ZNF827: variants seen among roughly 807,000 people sequenced by gnomAD.
ZNF827 encodes the protein zinc finger protein 827.
ZNF827 carries 13 observed loss-of-function variants against 102.4 expected under a neutral mutation model. That is an observed-to-expected ratio of 0.13 (90% CI 0.08 to 0.20). The LOEUF (loss-of-function observed/expected upper bound fraction) is 0.20, where lower values mean the gene tolerates loss of function less well. ZNF827 is among the 10% of genes least tolerant of loss of function. The probability of loss-of-function intolerance (pLI) is 1.00; values close to 1 mark genes in which losing one functional copy is unlikely to be tolerated. For synonymous variants in ZNF827, 523 were observed against 536.2 expected, an observed-to-expected ratio of 0.98 and a Z score of 0.34; for missense variants, 1,103 against 1,344.4, an observed-to-expected ratio of 0.82 and a Z score of 2.81.
In ZNF827 at chr4:145,805,377, A is replaced by T. The variant is rs576016209; in HGVS notation, c.2383+18045T>A. The stretch of plus-strand genomic sequence containing the variant: ...GTCATTTTTAACTGATTAGGAAAAA[A>T]AAATCCCCAAATTTCAACCAAATGT... On this transcript the variant is annotated intron_variant, in intron 8 of 14. Transcript: ENST00000508784. 2.6e-5 allele frequency among the ~76,000 whole-genome samples: 4 copies of T among 152,298 alleles called. No individual in the cohort carries two copies. In the South Asian group the frequency reaches 8.3e-4, roughly 32 times the overall value.
intron 4 of ZNF827, among the ~76,000 whole-genome samples, chr4:145,885,232 T>C (rs906103279): frequency 6.6e-6 from 1 of 152,154 alleles, no homozygotes; most frequent in Non-Finnish European, 1.5e-5. Flanking sequence ...TTTGTATATA[T>C]GTCCTTTAAA....
chr4:145,781,995 C>A (rs1738129493), intron 8 of ZNF827, among the ~76,000 whole-genome samples: 1 of 152,198 alleles, frequency 6.6e-6, no homozygotes, highest in Non-Finnish European at 1.5e-5. Flanking sequence ...GTCCACTGGT[C>A]TTAGAAAATG....
Position 145,765,625 on chromosome 4 carries a change from C to T in ZNF827, c.2974G>A (p.Gly992Ser). 1 of 1,614,134 alleles carries T rather than the reference C, an allele frequency of 6.2e-7. No homozygotes were observed. Among genetic ancestry groups the T allele is most frequent in the Non-Finnish European group, 8.5e-7 (1 of 1,180,016 alleles). ...GAGATGACCAGCAGATTGTTCCCGC[C>T]CTTGTTTTTCTGGGAGCCATCTGAA... ...DDSDGSQKNK[G>S]GNNLLVISVM... The change falls in exon 12 of 15, where the codon GGC becomes AGC. Residue 992 changes from glycine (G) to serine (S), a missense_variant. Gly to Ser is a moderately conservative substitution (Grantham distance 56). Coordinates refer to ENST00000508784, the MANE Select transcript of ZNF827 (RefSeq NM_001306215.2). This position sits in a 1 kb window ranked among gnomAD's most constrained non-coding sequence, Gnocchi z 4.7.
At chr4:145,872,004 C>G (rs1748731040) in intron 4 of ZNF827, among the ~76,000 whole-genome samples, 2 of 152,190 alleles carry the variant, frequency 1.3e-5, no homozygotes, top group Non-Finnish European at 1.5e-5. Context: ...ACTTGACCTT[C>G]CAATCGGCTC....
At chr4:145,806,575 A>G (rs1741479456) in intron 8 of ZNF827, among the ~76,000 whole-genome samples, 1 of 151,882 alleles carries the variant, frequency 6.6e-6, no homozygotes, top group Non-Finnish European at 1.5e-5. Context: ...TCATTCTGCA[A>G]CATCTCTGTA....
intron 8 of ZNF827, among the ~76,000 whole-genome samples, chr4:145,796,889 C>A (rs1012019181): frequency 2.0e-5 from 3 of 152,184 alleles, no homozygotes; most frequent in African/African-American, 7.2e-5. Flanking sequence ...CCTCGGCCTC[C>A]CAAAATGCTG....
At chr4:145,935,421 A>G (rs1754087746) in intron 1 of ZNF827, among the ~76,000 whole-genome samples, 1 of 152,250 alleles carries the variant, frequency 6.6e-6, no homozygotes. Context: ...TTGAACTGCA[A>G]AATACACCAT....
chr4:145,907,145 A>C (rs1751933799), intron 1 of ZNF827: 1 of 456,212 alleles, frequency 2.2e-6, no homozygotes, highest in Admixed American at 2.4e-5. Flanking sequence ...AAAAATTATA[A>C]GAAGCTCAAA....
At chr4:145,838,344 T>A (rs1745084531) in intron 7 of ZNF827, among the ~76,000 whole-genome samples, 3 of 152,130 alleles carry the variant, frequency 2.0e-5, no homozygotes, top group Non-Finnish European at 4.4e-5. Flanking sequence ...CCTTTGACTG[T>A]AATTTTCTTT....
intron 5 of ZNF827, among the ~76,000 whole-genome samples, chr4:145,860,942 C>T (rs1747664070): frequency 6.6e-6 from 1 of 152,196 alleles, no homozygotes; most frequent in Non-Finnish European, 1.5e-5. Flanking sequence ...GGAAAGGGTC[C>T]ATCACTCTCA....
intron 7 of ZNF827, among the ~76,000 whole-genome samples, chr4:145,844,505 C>CAACATG: frequency 6.6e-6 from 1 of 151,456 alleles, no homozygotes; most frequent in Admixed American, 6.6e-5. Context: ...CATGGCGAAA[C>CAACATG]CCTGTCTTTA....
intron 5 of ZNF827, among the ~76,000 whole-genome samples, chr4:145,856,177 G>A (rs1747089201): frequency 6.6e-6 from 1 of 151,912 alleles, no homozygotes; most frequent in Non-Finnish European, 1.5e-5. Context: ...TGTATTTTTA[G>A]TAGAGACAGG....
intron 8 of ZNF827, among the ~76,000 whole-genome samples, chr4:145,807,908 A>T (rs1361751531): frequency 3.9e-5 from 6 of 152,224 alleles, no homozygotes; most frequent in Admixed American, 3.9e-4. Context: ...CGAGTGATAA[A>T]AGTAACAGTT....
chr4:145,861,468 G>A (rs921109474), intron 5 of ZNF827, among the ~76,000 whole-genome samples: 5 of 152,080 alleles, frequency 3.3e-5, no homozygotes, highest in East Asian at 1.9e-4. Flanking sequence ...TGGATCCCTC[G>A]GAAAATAAAG....
At chr4:145,885,632 GA>G (rs759891583) in intron 4 of ZNF827, 45 bp downstream of exon 4, 2 of 1,500,450 alleles carry the variant, frequency 1.3e-6, no homozygotes, top group South Asian at 1.4e-5. Flanking sequence ...GAGAGAGAGA[GA>G]GAGAGAGAGA....
In ZNF827 at chr4:145,761,742, C is replaced by T; in HGVS notation, c.*18-144G>A. On this transcript the variant is annotated intron_variant, in intron 14 of 14. Transcript: ENST00000508784. This position sits in a 1 kb window ranked among gnomAD's most constrained non-coding sequence, Gnocchi z 6.8. ...CCAGCCCAGCCCAGCCCTGCCGCCT[C>T]TCAGGGGTGGAACGGCCCTTTTTGG... The T allele has an allele frequency of 2.2e-6, 1 of 449,236 alleles. No individual in the cohort carries two copies. The highest frequency in any genetic ancestry group is 2.0e-5 in the South Asian group (1 of 50,188). 27.8% of individuals were successfully genotyped at this position (449,236 alleles called of 1,614,324 possible).
At chr4:145,921,163 G>A (rs1425082683) in intron 1 of ZNF827, among the ~76,000 whole-genome samples, 1 of 152,114 alleles carries the variant, frequency 6.6e-6, no homozygotes, top group African/African-American at 2.4e-5. Context: ...AGATATTTCA[G>A]AAACAGAGAA....
chr4:145,887,221 T>C (rs1456222900), intron 3 of ZNF827, among the ~76,000 whole-genome samples: 4 of 152,086 alleles, frequency 2.6e-5, no homozygotes, highest in African/African-American at 7.2e-5. Context: ...CCTCCTCTTT[T>C]AGGGGTGACC....
chr4:145,891,191 T>A (rs1478378978), intron 3 of ZNF827, among the ~76,000 whole-genome samples: 1 of 152,234 alleles, frequency 6.6e-6, no homozygotes, highest in East Asian at 1.9e-4. Context: ...TAGAATTAAA[T>A]AACTTCCATT....
Sources: allele counts gnomAD v4.1 joint callset (sites outside exome capture counted in the v4.1 genomes callset), GRCh38; gene constraint gnomAD v4.1.1; non-coding constraint Gnocchi (gnomAD v3.1); transcripts MANE v1.5; gene names NCBI Gene and HGNC (gene_info 2026-07-23, HGNC 2026-07-21).